UCK2: variants seen among roughly 807,000 people sequenced by gnomAD.
UCK2 encodes uridine-cytidine kinase 2, also known as cytidine monophosphokinase 2.
Under a neutral mutation model 30.8 loss-of-function variants are expected in UCK2, and 6 were observed. That is an observed-to-expected ratio of 0.19 (90% CI 0.11 to 0.38). The LOEUF is 0.38. Ranked by LOEUF, UCK2 falls within the 10% of genes least tolerant of loss-of-function variation. UCK2 has a pLI of 1.00. For missense variants in UCK2, 210 were observed against 339.8 expected (o/e 0.62, Z 3.00); for synonymous variants, 125 against 133.6 (o/e 0.94, Z 0.45).
chr1:165,854,179 G>C (rs1654667703), intron 1 of UCK2, among the ~76,000 whole-genome samples: 1 of 152,138 alleles, frequency 6.6e-6, no homozygotes, highest in African/African-American at 2.4e-5. Context: ...ATCTGGAGTG[G>C]CTTCACCAGG....
At chr1:165,831,725 C>T (rs1654052112) in intron 1 of UCK2, among the ~76,000 whole-genome samples, 1 of 152,082 alleles carries the variant, frequency 6.6e-6, no homozygotes, top group South Asian at 2.1e-4. Flanking sequence ...AGTACAAATC[C>T]CCTTGGCCCC....
chr1:165,838,466 G>A (rs969400147), intron 1 of UCK2, among the ~76,000 whole-genome samples: 4 of 152,142 alleles, frequency 2.6e-5, no homozygotes, highest in African/African-American at 7.2e-5. Flanking sequence ...TGTTGCTCAC[G>A]TGTCTCCTTC....
chr1:165,830,719 A>G (rs1654026995), intron 1 of UCK2, among the ~76,000 whole-genome samples: 1 of 152,128 alleles, frequency 6.6e-6, no homozygotes, highest in Non-Finnish European at 1.5e-5. Context: ...ATCCTTTAAG[A>G]TTATTGATAT....
intron 1 of UCK2, among the ~76,000 whole-genome samples, chr1:165,837,103 C>A (rs759093024): frequency 6.6e-6 from 1 of 152,172 alleles, no homozygotes; most frequent in African/African-American, 2.4e-5. Flanking sequence ...GGTGGTGCCT[C>A]CAAGATGCAA....
intron 1 of UCK2, among the ~76,000 whole-genome samples, chr1:165,875,447 C>G (rs1013694912): frequency 6.6e-6 from 1 of 152,190 alleles, no homozygotes; most frequent in Non-Finnish European, 1.5e-5. Flanking sequence ...GGGATTTCCT[C>G]ACACAGCAAG....
chr1:165,834,933 G>C (rs1215794085), intron 1 of UCK2, among the ~76,000 whole-genome samples: 1 of 152,168 alleles, frequency 6.6e-6, no homozygotes, highest in African/African-American at 2.4e-5. Context: ...ACAATTTTGT[G>C]TGGGTTGTAG....
intron 1 of UCK2, among the ~76,000 whole-genome samples, chr1:165,828,145 G>C (rs1449607205): frequency 2.6e-5 from 4 of 151,824 alleles, no homozygotes; most frequent in African/African-American, 7.2e-5. Context: ...GGTTCCGGGG[G>C]TACGCGGCCA....
intron 1 of UCK2, among the ~76,000 whole-genome samples, chr1:165,886,964 T>A (rs1571292497): frequency 6.6e-6 from 1 of 152,192 alleles, no homozygotes; most frequent in East Asian, 1.9e-4. Context: ...TAGAGGCAGG[T>A]GTTTCTTTGC....
intron 4 of UCK2, chr1:165,900,705 T>C (rs569906367): frequency 6.5e-6 from 1 of 152,764 alleles, no homozygotes; most frequent in South Asian, 2.1e-4. Context: ...GTGCACTGTG[T>C]GTGCGTGCGT....
chr1:165,833,052 C>T (rs996570889), intron 1 of UCK2, among the ~76,000 whole-genome samples: 4 of 152,124 alleles, frequency 2.6e-5, no homozygotes, highest in Non-Finnish European at 5.9e-5. Flanking sequence ...GCAGCTTGGC[C>T]GTGAGTCAGC....
At chr1:165,851,300 C>G (rs931622494) in intron 1 of UCK2, among the ~76,000 whole-genome samples, 1 of 152,230 alleles carries the variant, frequency 6.6e-6, no homozygotes, top group African/African-American at 2.4e-5. Flanking sequence ...GCTTCGCCCA[C>G]AAGCACAGAT....
chr1:165,865,345 G>A (rs769791841), intron 1 of UCK2, among the ~76,000 whole-genome samples: 3 of 152,166 alleles, frequency 2.0e-5, no homozygotes, highest in Non-Finnish European at 4.4e-5. Context: ...TGGTAGCACT[G>A]TGAGTAGTTT....
intron 1 of UCK2, among the ~76,000 whole-genome samples, chr1:165,886,251 C>G (rs376661205): frequency 2.0e-5 from 3 of 152,178 alleles, no homozygotes; most frequent in African/African-American, 7.2e-5. Context: ...CCTGCCTTCT[C>G]AAACCCTGGT....
intron 1 of UCK2, among the ~76,000 whole-genome samples, chr1:165,851,580 C>A (rs1010153398): frequency 2.6e-5 from 4 of 152,082 alleles, no homozygotes; most frequent in African/African-American, 9.7e-5. Flanking sequence ...AAAATGTAAC[C>A]GTTTCAGGGC....
chr1:165,884,478 A>G (rs553711092), intron 1 of UCK2, among the ~76,000 whole-genome samples: 50 of 152,298 alleles, frequency 3.3e-4, no homozygotes, highest in African/African-American at 1.2e-3. Flanking sequence ...TCCCGTAGGG[A>G]CACACCTAAC....
chr1:165,908,031 G>T lies in UCK2; in HGVS notation c.*208G>T. On this transcript the variant is annotated 3_prime_UTR_variant, in exon 7 of 7. Coordinates refer to ENST00000367879, the MANE Select transcript of UCK2 (RefSeq NM_012474.5). Reference sequence around the variant, plus strand: ...GACCCTGAGCTTAAATAACAAAACTGTGCCAACTACTACTGGTGATGCCTA... The same window carrying T: ...GACCCTGAGCTTAAATAACAAAACTTTGCCAACTACTACTGGTGATGCCTA... 1.6e-6 allele frequency: 1 copy of T among 611,070 alleles called. No homozygotes were observed. Among genetic ancestry groups the T allele is most frequent in the Non-Finnish European group, 2.6e-6 (1 of 380,034 alleles). 37.9% of individuals were successfully genotyped at this position (611,070 alleles called of 1,614,324 possible).
At chr1:165,831,139 C>T (rs949977383) in intron 1 of UCK2, among the ~76,000 whole-genome samples, 6 of 151,528 alleles carry the variant, frequency 4.0e-5, no homozygotes, top group Non-Finnish European at 7.4e-5. Flanking sequence ...TGGCTGAGTA[C>T]GGTGGCTCAC....
chr1:165,874,466 A>G (rs1056289129), intron 1 of UCK2, among the ~76,000 whole-genome samples: 3 of 152,192 alleles, frequency 2.0e-5, no homozygotes, highest in Non-Finnish European at 4.4e-5. Flanking sequence ...TAGCTCATAT[A>G]GCATTTTCAT....
chr1:165,873,141 A>G (rs931838580), intron 1 of UCK2, among the ~76,000 whole-genome samples: 9 of 152,250 alleles, frequency 5.9e-5, no homozygotes, highest in Admixed American at 2.0e-4. Context: ...AAAAACCCCC[A>G]GAATTTCATG....
Sources: gnomAD v4.1 joint callset for allele counts (sites outside exome capture counted in the v4.1 genomes callset) on GRCh38, gnomAD v4.1.1 for gene constraint, MANE v1.5 for transcripts, NCBI Gene and HGNC (gene_info 2026-07-23, HGNC 2026-07-21) for gene names.